Variants in NOL4 observed in about 807,000 individuals in gnomAD.
The protein encoded by NOL4 is nucleolar protein 4, also known as cancer/testis antigen 125.
NOL4 carries 17 observed loss-of-function variants against 75.9 expected under a neutral mutation model. That is an observed-to-expected ratio of 0.22 (90% CI 0.15 to 0.34). NOL4 has a LOEUF of 0.34. Ranked by LOEUF, NOL4 falls within the 10% of genes least tolerant of loss-of-function variation. NOL4 has a pLI of 1.00. For synonymous variants in NOL4, 292 were observed against 289.9 expected, an observed-to-expected ratio of 1.01 and a Z score of -0.07; for missense variants, 614 against 793.5, an observed-to-expected ratio of 0.77 and a Z score of 2.72.
At chr18:34,005,397 T>C (rs950435149) in intron 6 of NOL4, among the ~76,000 whole-genome samples, 9 of 152,152 alleles carry the variant, frequency 5.9e-5, no homozygotes, top group African/African-American at 2.2e-4. Flanking sequence ...CTTTCATACA[T>C]TAGTGAAAGG....
At chr18:34,044,339 C>A (rs966779644) in intron 5 of NOL4, among the ~76,000 whole-genome samples, 1 of 151,896 alleles carries the variant, frequency 6.6e-6, no homozygotes, top group Non-Finnish European at 1.5e-5. Flanking sequence ...CTACAAAATG[C>A]TTTTCCCAAA....
chr18:34,141,238 C>T (rs1305409207), intron 1 of NOL4, among the ~76,000 whole-genome samples: 20 of 152,092 alleles, frequency 1.3e-4, no homozygotes, highest in Non-Finnish European at 2.4e-4. Flanking sequence ...GAATCAATAT[C>T]ATGAAAATGG....
chr18:34,177,964 G>A (rs1351024005), intron 1 of NOL4, among the ~76,000 whole-genome samples: 2 of 151,752 alleles, frequency 1.3e-5, no homozygotes, highest in African/African-American at 4.8e-5. Context: ...TATATGAAGG[G>A]AGAGTTAAAT....
At chr18:33,887,344 G>A (rs1014248626) in intron 9 of NOL4, among the ~76,000 whole-genome samples, 17 of 151,116 alleles carry the variant, frequency 1.1e-4, no homozygotes, top group Admixed American at 7.9e-4. Context: ...TTGGTAGTCA[G>A]CAAATTGCAG....
At chr18:34,187,251 T>G (rs924828817) in intron 1 of NOL4, among the ~76,000 whole-genome samples, 1 of 152,216 alleles carries the variant, frequency 6.6e-6, no homozygotes, top group Admixed American at 6.5e-5. Flanking sequence ...ATTTTGCTTT[T>G]TCCAGAGTGT....
At chr18:33,867,251 G>T (rs1264485568) in intron 10 of NOL4, among the ~76,000 whole-genome samples, 1 of 151,972 alleles carries the variant, frequency 6.6e-6, no homozygotes, top group Non-Finnish European at 1.5e-5. Flanking sequence ...CATAATTTTT[G>T]TCTGTATATT....
chr18:34,109,953 T>C (rs1485695550), intron 2 of NOL4, among the ~76,000 whole-genome samples: 1 of 151,386 alleles, frequency 6.6e-6, no homozygotes, highest in Non-Finnish European at 1.5e-5. Context: ...GACTGAATCA[T>C]AAAAAGCAGG....
At chr18:33,889,300 G>C (rs1007194602) in intron 9 of NOL4, among the ~76,000 whole-genome samples, 6 of 151,854 alleles carry the variant, frequency 4.0e-5, no homozygotes, top group African/African-American at 1.5e-4. Context: ...GACACATACA[G>C]CCTCCCAAGA....
chr18:33,964,188 TAGAA>T (rs1416278248), intron 6 of NOL4, among the ~76,000 whole-genome samples: 1 of 152,088 alleles, frequency 6.6e-6, no homozygotes, highest in African/African-American at 2.4e-5. Context: ...GCCAAACACA[TAGAA>T]GGAATAAAGT....
intron 2 of NOL4, among the ~76,000 whole-genome samples, chr18:34,112,012 T>A (rs1568356371): frequency 6.6e-6 from 1 of 152,146 alleles, no homozygotes; most frequent in Non-Finnish European, 1.5e-5. Context: ...ATGGAAATCA[T>A]TATCTCAAAG....
intron 5 of NOL4, among the ~76,000 whole-genome samples, chr18:34,073,263 C>A (rs1398458750): frequency 6.6e-6 from 1 of 151,918 alleles, no homozygotes. Flanking sequence ...TACAGAAATT[C>A]ACAGGACAAT....
At chr18:33,858,389 T>TAA (rs553635985) in intron 10 of NOL4, among the ~76,000 whole-genome samples, 1 of 148,378 alleles carries the variant, frequency 6.7e-6, no homozygotes, top group African/African-American at 2.5e-5. Context: ...TGCCAAAGAG[T>TAA]AAAAAAAAAA....
chr18:34,076,559 C>A (rs1156883447), intron 5 of NOL4, among the ~76,000 whole-genome samples: 1 of 152,136 alleles, frequency 6.6e-6, no homozygotes, highest in Non-Finnish European at 1.5e-5. Context: ...CAAAGTACTG[C>A]AGTTGCAGGA....
At chr18:33,999,852 C>T (rs1465948842) in intron 6 of NOL4, among the ~76,000 whole-genome samples, 3 of 152,050 alleles carry the variant, frequency 2.0e-5, no homozygotes, top group Non-Finnish European at 4.4e-5. Flanking sequence ...TGGGGTTTCA[C>T]CATGTTGGCC....
rs57576599 is a variant in NOL4 at position 34,110,128 on chromosome 18, C to CAAA, written c.415-4971_415-4969dup. 3.6e-3 allele frequency among the ~76,000 whole-genome samples: 170 copies of CAAA among 47,868 alleles called. 10 individuals are homozygous for CAAA. Among genetic ancestry groups the CAAA allele is most frequent in the Non-Finnish European group, 5.0e-3 (133 of 26,656 alleles). The allele number at this position is 47,868 out of a possible 152,430, so 31.4% of individuals were successfully genotyped here. A position where few individuals can be genotyped will look rare whatever the true frequency, so the allele number is the denominator to read the frequency against. ...AACTCCTTCCATCCCCGCCCTCCCA[C>CAAA]AAAAAAAAAAAAAAAAAAAAAAAAA... is the stretch of plus-strand genomic sequence containing the variant. On this transcript the variant is annotated intron_variant, in intron 2 of 10. Coordinates refer to ENST00000261592, the MANE Select transcript of NOL4 (RefSeq NM_003787.5).
chr18:33,878,858 C>T (rs10853428), intron 10 of NOL4, among the ~76,000 whole-genome samples: 19,785 of 152,010 alleles, frequency 0.13, 1,418 homozygotes, highest in Non-Finnish European at 0.17. Context: ...TACTTTGACC[C>T]GTGCTGAAAA....
chr18:33,863,715 T>C (rs140624207), intron 10 of NOL4, among the ~76,000 whole-genome samples: 1 of 152,310 alleles, frequency 6.6e-6, no homozygotes, highest in East Asian at 1.9e-4. Flanking sequence ...AAGTTGTCAG[T>C]GGATCTACTA....
intron 8 of NOL4, among the ~76,000 whole-genome samples, chr18:33,955,787 T>C (rs2069598350): frequency 6.6e-6 from 1 of 152,122 alleles, no homozygotes; most frequent in Non-Finnish European, 1.5e-5. Flanking sequence ...AAAACTTGCA[T>C]GAGATTTATT....
chr18:33,893,180 T>C (rs545372436), intron 9 of NOL4, among the ~76,000 whole-genome samples: 101 of 152,224 alleles, frequency 6.6e-4, no homozygotes, highest in African/African-American at 2.4e-3. Flanking sequence ...ATAAATATAT[T>C]CTTGATATGT....
Sources: gnomAD v4.1 joint callset for allele counts (sites outside exome capture counted in the v4.1 genomes callset) on GRCh38, gnomAD v4.1.1 for gene constraint, MANE v1.5 for transcripts, NCBI Gene and HGNC (gene_info 2026-07-23, HGNC 2026-07-21) for gene names.